The following PHGR1 variants were observed in gnomAD, a reference collection of about 807,000 sequenced individuals.
The protein encoded by PHGR1 is proline, histidine and glycine rich 1.
PHGR1 carries 3 observed loss-of-function variants against 4.9 expected under a neutral mutation model. That is an observed-to-expected ratio of 0.61 (90% CI 0.28 to 1.58). The LOEUF (loss-of-function observed/expected upper bound fraction) is 1.58. Ranked by LOEUF, PHGR1 falls within the 40% of genes most tolerant of loss-of-function variation. The pLI, the probability that PHGR1 is intolerant of heterozygous loss-of-function variation, is 0.11. For synonymous variants in PHGR1, 32 were observed against 46.1 expected, an observed-to-expected ratio of 0.69 and a Z score of 1.24; for missense variants, 81 against 118.7, an observed-to-expected ratio of 0.68 and a Z score of 1.48.
intron 1 of PHGR1, among the ~76,000 whole-genome samples, chr15:40,351,830 G>T (rs569054282): frequency 6.6e-6 from 1 of 151,940 alleles, no homozygotes; most frequent in Admixed American, 6.5e-5. Flanking sequence ...TCTGCCTCCC[G>T]GGTTCAAGCG....
intron 1 of PHGR1, 86 bp from the exon 2 acceptor site, chr15:40,353,146 T>TGTGTGTGCGC (rs56132408): frequency 1.5e-5 from 12 of 776,212 alleles, no homozygotes; most frequent in Admixed American, 2.6e-5. Flanking sequence ...TGTGTGTGTG[T>TGTGTGTGCGC]GCGCGCGCGC....
intron 3 of PHGR1, 84 bp downstream of exon 3, chr15:40,354,436 G>A: frequency 7.0e-7 from 1 of 1,428,490 alleles, no homozygotes; most frequent in South Asian, 1.3e-5. Flanking sequence ...TAGACCCTCA[G>A]GGAGCAGCCA....
At chr15:40,351,661 T>C (rs1364850290) in intron 1 of PHGR1, among the ~76,000 whole-genome samples, 1 of 152,062 alleles carries the variant, frequency 6.6e-6, no homozygotes, top group Non-Finnish European at 1.5e-5. Flanking sequence ...GGCTCATGCC[T>C]GAAATCCAGC....
At chr15:40,354,415 A>G (rs1889257150) in intron 3 of PHGR1, 63 bp downstream of exon 3, 9 of 1,487,704 alleles carry the variant, frequency 6.0e-6, no homozygotes, top group Non-Finnish European at 5.4e-6. Flanking sequence ...CCAGACCCCT[A>G]GCCTCCTTCC....
chr15:40,355,491 T>C (rs1175201674), intron 3 of PHGR1, among the ~76,000 whole-genome samples: 24 of 152,236 alleles, frequency 1.6e-4, no homozygotes, highest in Non-Finnish European at 8.8e-5. Context: ...TCTACACACA[T>C]ACACACTACC....
Position 40,356,124 on chromosome 15 carries a change from C to A in PHGR1, c.70C>A (p.Pro24Thr), listed in dbSNP as rs558923306. The A allele has an allele frequency of 3.6e-5, 56 of 1,548,808 alleles. No individual in the cohort carries two copies. The South Asian group carries it at 6.4e-4, about 18-fold the overall frequency. ...HGHPPGHCGP[P>T]PGHGPGPCGP... ...CCATCCTCCAGGTCACTGCGGGCCA[C>A]CCCCTGGCCATGGCCCAGGGCCCTG... The change falls in exon 4 of 4, where the codon CCC (proline) becomes ACC (threonine). Residue 24 changes from proline to threonine, a missense_variant. Transcript: ENST00000448599.
At chr15:40,352,727 C>T (rs1566911160) in intron 1 of PHGR1, among the ~76,000 whole-genome samples, 1 of 152,196 alleles carries the variant, frequency 6.6e-6, no homozygotes. Context: ...CCTTCCCGTC[C>T]CTGCACTGGG....
chr15:40,355,953 C>T, intron 3 of PHGR1, 120 bp from the exon 4 acceptor site: 1 of 1,079,694 alleles, frequency 9.3e-7, no homozygotes, highest in Non-Finnish European at 1.4e-6. Flanking sequence ...CCCTCCACCG[C>T]AACTCCTTAC....
intron 3 of PHGR1, among the ~76,000 whole-genome samples, chr15:40,354,730 C>T (rs1327207717): frequency 6.6e-6 from 1 of 152,222 alleles, no homozygotes; most frequent in Non-Finnish European, 1.5e-5. Context: ...ACTCCAACCA[C>T]ACTATGGGGC....
intron 1 of PHGR1, 98 bp from the exon 2 acceptor site, chr15:40,353,134 T>C (rs1298702297): frequency 1.8e-5 from 16 of 910,714 alleles, no homozygotes; most frequent in Non-Finnish European, 2.2e-5. Context: ...TGTGTGTGTG[T>C]GTGTGTGTGT....
At position 40,353,217 on chromosome 15, in the gene PHGR1, AC is replaced by A; in HGVS notation, c.-26-13del. 1 of 1,550,816 alleles carries A rather than the reference AC, an allele frequency of 6.4e-7. No homozygotes were observed. Among genetic ancestry groups the A allele is most frequent in the Non-Finnish European group, 8.7e-7 (1 of 1,146,526 alleles). Reference sequence around the variant, plus strand: ...TTTAGATTACAGTAAATTAAAAGTTACCTTTTGAACACAGGTATTCCCTGCT... The same window carrying A: ...TTTAGATTACAGTAAATTAAAAGTTACTTTTGAACACAGGTATTCCCTGCT... On this transcript the variant is annotated splice_polypyrimidine_tract_variant and intron_variant, in intron 1 of 3. Coordinates refer to ENST00000448599, the MANE Select transcript of PHGR1 (RefSeq NM_001145643.2).
At position 40,356,324 on chromosome 15, in the gene PHGR1, C is replaced by A. The variant is rs2141256083; in HGVS notation, c.*21C>A. ...ACTGAGGAAGTAGAAGAAAACAGGA[C>A]ACAAGATGGCAAGCCTGAGAGAATT... On this transcript the variant is annotated 3_prime_UTR_variant, in exon 4 of 4. Transcript: ENST00000448599. The A allele has an allele frequency of 4.5e-6, 7 of 1,549,842 alleles. No individual in the cohort carries two copies. Among genetic ancestry groups the A allele is most frequent in the Non-Finnish European group, 5.2e-6 (6 of 1,146,584 alleles).
At chr15:40,355,874 C>T (rs1030962887) in intron 3 of PHGR1, among the ~76,000 whole-genome samples, 199 bp from the exon 4 acceptor site, 2 of 152,204 alleles carry the variant, frequency 1.3e-5, no homozygotes, top group African/African-American at 4.8e-5. Flanking sequence ...AGGTTGCTTG[C>T]CTTTTATCTG....
chr15:40,355,991 G>T lies in PHGR1; in HGVS notation c.19-82G>T, dbSNP rs1889287829. On this transcript the variant is annotated intron_variant, in intron 3 of 3. Transcript: ENST00000448599. ...GCCTAGAAATCCTGAGTCCCCCAGG[G>T]AAGTGGAGTGAGGGAGAGCTGATCT... 5 of 1,391,280 alleles carry T rather than the reference G, an allele frequency of 3.6e-6. No individual in the cohort carries two copies. The East Asian group carries it at 1.2e-4, about 35-fold the overall frequency. 86.2% of individuals were successfully genotyped at this position (1,391,280 alleles called of 1,614,324 possible). A position where few individuals can be genotyped will look rare whatever the true frequency, so the allele number is the denominator to read the frequency against.
chr15:40,354,560 C>A (rs893550302), intron 3 of PHGR1, among the ~76,000 whole-genome samples: 1 of 152,102 alleles, frequency 6.6e-6, no homozygotes, highest in Non-Finnish European at 1.5e-5. Context: ...GCCTTCTTGG[C>A]GTTCTCTCCT....
intron 1 of PHGR1, 118 bp from the exon 2 acceptor site, chr15:40,353,114 T>TGG (rs1889231719): frequency 5.1e-6 from 1 of 194,592 alleles, no homozygotes; most frequent in Non-Finnish European, 7.2e-6. Flanking sequence ...TTGAAGGGTG[T>TGG]GTGTGTGTGT....
intron 1 of PHGR1, among the ~76,000 whole-genome samples, chr15:40,351,586 C>CT (rs1456931538): frequency 6.6e-6 from 1 of 152,272 alleles, no homozygotes; most frequent in East Asian, 1.9e-4. Context: ...CAGCTGAACA[C>CT]TTTGAGTACA....
In PHGR1 at chr15:40,355,951, C is replaced by T. The variant is rs542352011; in HGVS notation, c.19-122C>T. The T allele has an allele frequency of 1.8e-4, 188 of 1,055,884 alleles. 3 individuals carry two copies. In the South Asian group the frequency reaches 2.1e-3, roughly 12 times the overall value. 65.4% of individuals were successfully genotyped at this position (1,055,884 alleles called of 1,614,324 possible). ...GCTACCCATGCCCCCAGCCCTCCAC[C>T]GCAACTCCTTACTTGCCTAGAAATC... is the stretch of plus-strand genomic sequence containing the variant. On this transcript the variant is annotated intron_variant, in intron 3 of 3. Coordinates refer to ENST00000448599, the MANE Select transcript of PHGR1 (RefSeq NM_001145643.2).
intron 1 of PHGR1, among the ~76,000 whole-genome samples, chr15:40,351,951 G>A (rs1368056298): frequency 1.3e-5 from 2 of 152,096 alleles, no homozygotes; most frequent in Non-Finnish European, 2.9e-5. Flanking sequence ...TGGACAGGCT[G>A]GTCTCGAACT....
Sources: gnomAD v4.1 joint callset for allele counts (sites outside exome capture counted in the v4.1 genomes callset) on GRCh38, gnomAD v4.1.1 for gene constraint, MANE v1.5 for transcripts, NCBI Gene and HGNC (gene_info 2026-07-23, HGNC 2026-07-21) for gene names.